The following ZC3H3 variants were observed in gnomAD, a reference collection of about 807,000 sequenced individuals.
The protein encoded by ZC3H3 is zinc finger CCCH domain-containing protein 3.
ZC3H3 carries 36 observed loss-of-function variants against 77.3 expected under a neutral mutation model. That is an observed-to-expected ratio of 0.47 (90% confidence interval 0.36 to 0.61). ZC3H3 has a LOEUF of 0.61. ZC3H3 is among the 20% of genes least tolerant of loss of function. The pLI is 0.00. For synonymous variants in ZC3H3, 626 were observed against 555.2 expected (o/e 1.13, Z -1.79); for missense variants, 1,331 against 1,312.2 (o/e 1.01, Z -0.22).
chr8:143,455,144 T>C (rs978866357), intron 9 of ZC3H3, among the ~76,000 whole-genome samples: 2 of 151,852 alleles, frequency 1.3e-5, no homozygotes, highest in South Asian at 4.2e-4. Context: ...TGAAACCCCA[T>C]CTCTACTAAA....
In ZC3H3 at chr8:143,494,120, C is replaced by T. The variant is rs760279792; in HGVS notation, c.1715+13626G>A. Among the ~76,000 whole-genome samples the T allele has an allele frequency of 6.6e-6, 1 of 152,156 alleles. No homozygotes were observed. Among genetic ancestry groups the T allele is most frequent in the Admixed American group, 6.5e-5 (1 of 15,280 alleles). ...GGGAAGGGGAGCGCTGAGGGCCATC[C>T]CCACAGGCCTCCCCAGGGCCAGGAT... On this transcript the variant is annotated intron_variant, in intron 4 of 11. Coordinates refer to ENST00000262577, the MANE Select transcript of ZC3H3 (RefSeq NM_015117.3). The surrounding 1 kb of genome is among the most constrained non-coding windows in gnomAD (Gnocchi z 5.3).
intron 9 of ZC3H3, among the ~76,000 whole-genome samples, chr8:143,444,508 T>G (rs1376190463): frequency 6.6e-6 from 1 of 152,194 alleles, no homozygotes; most frequent in Non-Finnish European, 1.5e-5. Context: ...GTAAAAACAC[T>G]AATATATCAA....
intron 3 of ZC3H3, among the ~76,000 whole-genome samples, chr8:143,514,326 G>A (rs573363319): frequency 4.6e-5 from 7 of 152,178 alleles, no homozygotes; most frequent in East Asian, 3.9e-4. Context: ...GGCTGCCACC[G>A]CAGGCCCCAT....
At chr8:143,463,667 T>C (rs1820328340) in intron 9 of ZC3H3, among the ~76,000 whole-genome samples, 2 of 152,210 alleles carry the variant, frequency 1.3e-5, no homozygotes, top group Admixed American at 6.5e-5. Context: ...TTGACAAGGA[T>C]GGAGCGAGCG....
At chr8:143,472,174 G>A (rs1381485409) in intron 5 of ZC3H3, among the ~76,000 whole-genome samples, 6 of 152,264 alleles carry the variant, frequency 3.9e-5, no homozygotes, top group African/African-American at 1.4e-4. Flanking sequence ...CCTTGCTGGC[G>A]TTGCTGAGGC....
chr8:143,449,132 G>C (rs1354598371), intron 9 of ZC3H3, among the ~76,000 whole-genome samples: 1 of 152,236 alleles, frequency 6.6e-6, no homozygotes, highest in African/African-American at 2.4e-5. Context: ...CCTCATGCCA[G>C]TGATGGGAGG....
chr8:143,471,160 A>T (rs1243642944), intron 5 of ZC3H3, among the ~76,000 whole-genome samples: 1 of 152,218 alleles, frequency 6.6e-6, no homozygotes, highest in Non-Finnish European at 1.5e-5. Flanking sequence ...AGGCAGCCCC[A>T]ATTCCCAGGC....
At position 143,530,690 on chromosome 8, in the gene ZC3H3, T is replaced by C. The variant is rs186241156; in HGVS notation, c.1561+5567A>G. Among the ~76,000 whole-genome samples the C allele has an allele frequency of 6.6e-6, 1 of 152,168 alleles. No homozygotes were observed. Among genetic ancestry groups the C allele is most frequent in the East Asian group, 1.9e-4 (1 of 5,168 alleles). On this transcript the variant is annotated intron_variant, in intron 3 of 11. Coordinates refer to ENST00000262577, the MANE Select transcript of ZC3H3 (RefSeq NM_015117.3). The surrounding 1 kb of genome is among the most constrained non-coding windows in gnomAD (Gnocchi z 4.3). Reference sequence around the variant, plus strand: ...GGATGTACCACGAAGCTGGCCCCACTTCCCCCGCACCACAGTGAGAGCCTG... The same window carrying C: ...GGATGTACCACGAAGCTGGCCCCACCTCCCCCGCACCACAGTGAGAGCCTG...
intron 4 of ZC3H3, among the ~76,000 whole-genome samples, chr8:143,477,308 T>C (rs140396625): frequency 6.6e-6 from 1 of 152,320 alleles, no homozygotes; most frequent in Non-Finnish European, 1.5e-5. Flanking sequence ...AACACCAATC[T>C]TGGCGGGAAA....
intron 4 of ZC3H3, among the ~76,000 whole-genome samples, chr8:143,498,727 AGGGGCACAGGGC>A (rs1213710724): frequency 1.8e-5 from 1 of 56,002 alleles, no homozygotes; most frequent in Non-Finnish European, 3.7e-5. Context: ...GGCGGGGCGG[AGGGGCACAGGGC>A]GGGGCGGAGG....
chr8:143,474,995 CT>C (rs1025110068), intron 5 of ZC3H3, among the ~76,000 whole-genome samples: 1 of 152,200 alleles, frequency 6.6e-6, no homozygotes, highest in African/African-American at 2.4e-5. Flanking sequence ...AAACATGGTG[CT>C]TGTGAGCAAC....
At chr8:143,469,240 G>A (rs773580066) in intron 5 of ZC3H3, among the ~76,000 whole-genome samples, 46 of 152,358 alleles carry the variant, frequency 3.0e-4, no homozygotes, top group Admixed American at 4.6e-4. Context: ...GGCAGGACCC[G>A]CGGGGTCACT....
intron 3 of ZC3H3, among the ~76,000 whole-genome samples, chr8:143,527,198 G>A (rs895063046): frequency 6.6e-6 from 1 of 152,212 alleles, no homozygotes. Context: ...AGGCCACCAG[G>A]GTGAGGGACC....
Position 143,468,399 on chromosome 8 carries a change from C to A in ZC3H3, c.2088G>T (p.Lys696Asn). ...GAGGGCACCTGGTGCACACGGCCAC[C>A]TTCTCGGGATCGTGGATGTAGGGGC... is the stretch of plus-strand genomic sequence containing the variant. The part of the protein sequence containing the change: ...ERCPYIHDPE[K>N]VAVCTRFVRG... Residue 696 changes from lysine to asparagine, a missense_variant, in exon 7 of 12, where the codon AAG becomes AAT. Lys to Asn is a moderately conservative substitution (Grantham distance 94). Transcript: ENST00000262577. 1 of 1,612,722 alleles carries A rather than the reference C, an allele frequency of 6.2e-7. No individual in the cohort carries two copies. Among genetic ancestry groups the A allele is most frequent in the Non-Finnish European group, 8.5e-7 (1 of 1,179,804 alleles).
intron 9 of ZC3H3, among the ~76,000 whole-genome samples, chr8:143,451,789 A>G (rs1819993810): frequency 1.3e-5 from 2 of 151,840 alleles, no homozygotes; most frequent in Admixed American, 6.6e-5. Context: ...GCCTAAAAAA[A>G]AAAAAAAAAG....
At chr8:143,510,060 A>G (rs1821824825) in intron 3 of ZC3H3, among the ~76,000 whole-genome samples, 1 of 152,180 alleles carries the variant, frequency 6.6e-6, no homozygotes, top group South Asian at 2.1e-4. Flanking sequence ...CGGCGGCACC[A>G]TGATCACACT....
In ZC3H3 at chr8:143,538,843, C is replaced by T; in HGVS notation, c.524G>A (p.Arg175Lys). 1.2e-6 allele frequency: 2 copies of T among 1,612,284 alleles called. No individual in the cohort carries two copies. The highest frequency in any genetic ancestry group is 1.7e-6 in the Non-Finnish European group (2 of 1,179,670). ...EPPRGQLQPS[R>K]PTRARGTCSV... ...GCAGGTCCCCCTGGCTCTTGTTGGC[C>T]TCGAGGGCTGCAGCTGTCCCCGAGG... The change falls in exon 2 of 12, where the codon AGG (arginine) becomes AAG (lysine). Residue 175 changes from arginine to lysine, a missense_variant. Arg to Lys is a conservative substitution (Grantham distance 26, BLOSUM62 2). Transcript: ENST00000262577.
Position 143,463,840 on chromosome 8 carries a change from T to C in ZC3H3, c.2307+1877A>G, listed in dbSNP as rs561163563. Among the ~76,000 whole-genome samples, 160 of 152,336 alleles carry C rather than the reference T, an allele frequency of 1.1e-3. 1 individual carries two copies. Among genetic ancestry groups the C allele is most frequent in the Non-Finnish European group, 1.9e-3 (130 of 68,028 alleles). The stretch of plus-strand genomic sequence containing the variant: ...CTGATATCTAGGAGGGCAGGCGGCA[T>C]CTGGCAGAGGTTGACCCCTGAGCCA... On this transcript the variant is annotated intron_variant, in intron 9 of 11. Coordinates refer to ENST00000262577, the MANE Select transcript of ZC3H3 (RefSeq NM_015117.3).
intron 9 of ZC3H3, among the ~76,000 whole-genome samples, chr8:143,444,524 A>G (rs894015854): frequency 6.6e-6 from 1 of 152,264 alleles, no homozygotes; most frequent in Non-Finnish European, 1.5e-5. Context: ...ATCAAGGACC[A>G]AGTTAGATTT....
Sources: allele counts gnomAD v4.1 joint callset (sites outside exome capture counted in the v4.1 genomes callset), GRCh38; gene constraint gnomAD v4.1.1; non-coding constraint Gnocchi (gnomAD v3.1); transcripts MANE v1.5; gene names NCBI Gene and HGNC (gene_info 2026-07-23, HGNC 2026-07-21).